Variants in FGGY observed in about 807,000 individuals in gnomAD.
The protein encoded by FGGY is FGGY carbohydrate kinase domain containing.
Under a neutral mutation model 71.3 loss-of-function variants are expected in FGGY, and 72 were observed. The observed-to-expected ratio is 1.01, with a 90% CI of 0.84 to 1.23. The LOEUF (loss-of-function observed/expected upper bound fraction) is 1.23, where lower values mean the gene tolerates loss of function less well. Ranked by LOEUF, FGGY falls within the 50% of genes most tolerant of loss-of-function variation. The probability of loss-of-function intolerance (pLI) is 0.00; values close to 1 mark genes in which losing one functional copy is unlikely to be tolerated. For synonymous variants in FGGY, 251 were observed against 250.3 expected, an observed-to-expected ratio of 1.00 and a Z score of -0.02; for missense variants, 668 against 682.3, an observed-to-expected ratio of 0.98 and a Z score of 0.23.
chr1:59,377,791 G>C (rs2058852521), intron 4 of FGGY, among the ~76,000 whole-genome samples: 1 of 152,154 alleles, frequency 6.6e-6, no homozygotes, highest in Admixed American at 6.5e-5. Context: ...GAGGGCACAG[G>C]GTGGTGGGTG....
At chr1:59,512,500 CGAA>C in intron 7 of FGGY, 61 bp downstream of exon 7, 1 of 1,522,738 alleles carries the variant, frequency 6.6e-7, no homozygotes, top group Non-Finnish European at 8.9e-7. Context: ...TCCCTAGAAC[CGAA>C]GACACTCCTT....
At chr1:59,664,226 T>C (rs1231535774) in intron 12 of FGGY, among the ~76,000 whole-genome samples, 1 of 152,256 alleles carries the variant, frequency 6.6e-6, no homozygotes, top group African/African-American at 2.4e-5. Context: ...GAAAACATTT[T>C]TTCCAGAAAG....
At chr1:59,491,852 A>T (rs981693447) in intron 6 of FGGY, among the ~76,000 whole-genome samples, 5 of 152,160 alleles carry the variant, frequency 3.3e-5, no homozygotes, top group Non-Finnish European at 5.9e-5. Context: ...TTCATATAGG[A>T]CTATAAGATT....
intron 6 of FGGY, among the ~76,000 whole-genome samples, chr1:59,473,035 G>A (rs1011756480): frequency 2.9e-4 from 44 of 152,150 alleles, no homozygotes; most frequent in African/African-American, 1.0e-3. Context: ...TGTGGGTGGG[G>A]CCAGATAAGA....
At chr1:59,503,915 A>C (rs965080109) in intron 6 of FGGY, among the ~76,000 whole-genome samples, 4 of 151,954 alleles carry the variant, frequency 2.6e-5, no homozygotes, top group African/African-American at 9.7e-5. Flanking sequence ...GTAGGATGCT[A>C]ATTTGATTAT....
rs1327743817 is a variant in FGGY at position 59,622,032 on chromosome 1, CTCTAAG to C, written c.1012-3952_1012-3947del. ...ATATTCTCTCTCTCTCTTTCTCTCT[CTCTAAG>C]TCTCCCAGTCTAAGTCTCATTCTCA... On this transcript the variant is annotated intron_variant, in intron 9 of 15. Transcript: ENST00000303721. 3.2e-4 allele frequency among the ~76,000 whole-genome samples: 49 copies of C among 152,050 alleles called. No individual in the cohort carries two copies. In the East Asian group the frequency reaches 8.3e-3, roughly 26 times the overall value.
In FGGY at chr1:59,302,866, T is replaced by A. The variant is rs1389025497; in HGVS notation, c.-15+5716T>A. ...CAAAAAAAACCCCAAAAAACCCTGT[T>A]TAGTAGGATTCACTAGTGAAGCCAT... is the stretch of plus-strand genomic sequence containing the variant. On this transcript the variant is annotated intron_variant, in intron 1 of 15. Transcript: ENST00000303721. 2.6e-5 allele frequency among the ~76,000 whole-genome samples: 4 copies of A among 152,160 alleles called. No individual in the cohort carries two copies. The East Asian group carries it at 7.7e-4, about 29-fold the overall frequency.
At chr1:59,589,595 C>T (rs1325706549) in intron 8 of FGGY, among the ~76,000 whole-genome samples, 1 of 152,148 alleles carries the variant, frequency 6.6e-6, no homozygotes, top group Non-Finnish European at 1.5e-5. Flanking sequence ...GTCTCTCAGA[C>T]CACAGTGCAA....
intron 5 of FGGY, among the ~76,000 whole-genome samples, chr1:59,407,287 G>C (rs115440512): frequency 0.012 from 1,825 of 152,270 alleles, 41 homozygotes; most frequent in African/African-American, 0.041. Context: ...CCCCTGGGTA[G>C]AGCATCAGAT....
intron 8 of FGGY, among the ~76,000 whole-genome samples, chr1:59,604,264 G>A (rs1159114648): frequency 6.6e-6 from 1 of 152,184 alleles, no homozygotes; most frequent in Admixed American, 6.5e-5. Flanking sequence ...ATTTAGGTTT[G>A]TTGCAAAAGA....
intron 7 of FGGY, among the ~76,000 whole-genome samples, chr1:59,552,504 C>T (rs1039787075): frequency 1.3e-5 from 2 of 152,164 alleles, no homozygotes; most frequent in Non-Finnish European, 2.9e-5. Context: ...GGAAAACCCT[C>T]GAAAGCTGTA....
chr1:59,606,133 T>TA (rs1489858023), intron 8 of FGGY, among the ~76,000 whole-genome samples: 4 of 152,026 alleles, frequency 2.6e-5, no homozygotes, highest in African/African-American at 9.7e-5. Flanking sequence ...TATGGTCTGT[T>TA]AAAAAATAAT....
intron 14 of FGGY, 68 bp downstream of exon 14, chr1:59,674,201 A>T: frequency 8.3e-7 from 1 of 1,205,326 alleles, no homozygotes; most frequent in East Asian, 2.5e-5. Flanking sequence ...TCTTGACAGC[A>T]GCTCGCATTT....
At chr1:59,681,457 T>G (rs1362161369) in intron 14 of FGGY, among the ~76,000 whole-genome samples, 1 of 152,196 alleles carries the variant, frequency 6.6e-6, no homozygotes, top group Non-Finnish European at 1.5e-5. Context: ...CTTTCTATAA[T>G]AAGGTTTACC....
rs570756446 is a variant in FGGY at position 59,413,910 on chromosome 1, G to A, written c.554+35073G>A. On this transcript the variant is annotated intron_variant, in intron 5 of 15. Transcript: ENST00000303721. ...TGGGATGTGGAAGTTGTAGCAAGCC[G>A]AGATTGCACCACTGTGCTCCAGCCT... Among the ~76,000 whole-genome samples, 26 of 152,278 alleles carry A rather than the reference G, an allele frequency of 1.7e-4. No individual in the cohort carries two copies. In the East Asian group the frequency reaches 4.6e-3, roughly 27 times the overall value.
At chr1:59,487,709 C>G (rs988800475) in intron 6 of FGGY, among the ~76,000 whole-genome samples, 14 of 151,980 alleles carry the variant, frequency 9.2e-5, no homozygotes, top group African/African-American at 3.4e-4. Context: ...AATACTTGAT[C>G]TCTTTGGGGG....
intron 8 of FGGY, among the ~76,000 whole-genome samples, chr1:59,554,625 A>G (rs1374312136): frequency 2.0e-5 from 3 of 152,156 alleles, no homozygotes; most frequent in Admixed American, 2.0e-4. Flanking sequence ...CTCAATCAAT[A>G]TAAATCCATC....
Position 59,373,526 on chromosome 1 carries a change from T to A in FGGY, c.466-5223T>A, listed in dbSNP as rs973234375. ...AGTGCCATCCCCATCAAGCTACCAA[T>A]GACTTTCTTCACAGAATTGGAAAAA... On this transcript the variant is annotated intron_variant, in intron 4 of 15. Transcript: ENST00000303721. Among the ~76,000 whole-genome samples, 19 of 152,170 alleles carry A rather than the reference T, an allele frequency of 1.2e-4. 1 individual carries two copies. Among genetic ancestry groups the A allele is most frequent in the African/African-American group, 3.4e-4 (14 of 41,518 alleles).
In FGGY at chr1:59,544,567, C is replaced by T. The variant is rs866556628; in HGVS notation, c.800-9557C>T. On this transcript the variant is annotated intron_variant, in intron 7 of 15. Transcript: ENST00000303721. ...TATGCCTCTATGATTTTCTCAGATA[C>T]CTTCAGCTTAAACTATTCAAAATAC... Among the ~76,000 whole-genome samples, 6 of 152,284 alleles carry T rather than the reference C, an allele frequency of 3.9e-5. No homozygotes were observed. In the Middle Eastern group the frequency reaches 0.01, roughly 259 times the overall value.
Sources: allele counts gnomAD v4.1 joint callset (sites outside exome capture counted in the v4.1 genomes callset), GRCh38; gene constraint gnomAD v4.1.1; transcripts MANE v1.5; gene names NCBI Gene and HGNC (gene_info 2026-07-23, HGNC 2026-07-21).